The following ATG7 variants were observed in gnomAD, a reference collection of about 807,000 sequenced individuals.
ATG7 encodes ubiquitin-like modifier-activating enzyme ATG7.
In ATG7, 70 loss-of-function variants were observed where a neutral mutation model predicts 82.4. That is an observed-to-expected ratio of 0.85 (90% confidence interval 0.70 to 1.04). The LOEUF is 1.04. Ranked by LOEUF, ATG7 falls within the 50% of genes least tolerant of loss-of-function variation. The pLI, the probability that ATG7 is intolerant of heterozygous loss-of-function variation, is 0.00. For synonymous variants in ATG7, 287 were observed against 313.0 expected (o/e 0.92, Z 0.88); for missense variants, 792 against 864.3 (o/e 0.92, Z 1.05).
chr3:11,344,515 G>A (rs918947134), intron 13 of ATG7, among the ~76,000 whole-genome samples: 12 of 152,094 alleles, frequency 7.9e-5, no homozygotes, highest in Admixed American at 7.2e-4. Context: ...CTATTTGTAC[G>A]TGGTATCTTA....
intron 20 of ATG7, among the ~76,000 whole-genome samples, chr3:11,438,231 C>G (rs1012485044): frequency 3.9e-5 from 6 of 152,164 alleles, no homozygotes; most frequent in African/African-American, 1.4e-4. Context: ...TGAAGCAGCC[C>G]TGAGAGCCAA....
chr3:11,410,237 C>T (rs1328256644), intron 19 of ATG7, among the ~76,000 whole-genome samples: 1 of 152,186 alleles, frequency 6.6e-6, no homozygotes, highest in African/African-American at 2.4e-5. Context: ...TCCAACTTCT[C>T]TCAGCAGTAG....
At chr3:11,424,265 G>T (rs911428561) in intron 19 of ATG7, among the ~76,000 whole-genome samples, 14 of 151,964 alleles carry the variant, frequency 9.2e-5, no homozygotes, top group Middle Eastern at 3.2e-3. Context: ...AAAGATTTTA[G>T]TATTTTTATA....
At chr3:11,561,656 C>T (rs749005114), downstream of ATG7, among the ~76,000 whole-genome samples, 55 of 152,176 alleles carry the variant, frequency 3.6e-4, no homozygotes, top group Middle Eastern at 3.4e-3. Context: ...TATGGGATCC[C>T]GAGGCTCCCC....
At chr3:11,392,979 C>T (rs1310198690) in intron 19 of ATG7, among the ~76,000 whole-genome samples, 1 of 152,160 alleles carries the variant, frequency 6.6e-6, no homozygotes, top group Non-Finnish European at 1.5e-5. Context: ...AAAGCCCCAA[C>T]CTGTCCTTTG....
At chr3:11,316,580 C>T (rs987702964) in intron 9 of ATG7, among the ~76,000 whole-genome samples, 1 of 152,198 alleles carries the variant, frequency 6.6e-6, no homozygotes. Flanking sequence ...AGGTCCAGTA[C>T]CTTGTACAAG....
In ATG7 at chr3:11,388,432, CT is replaced by C. The variant is rs111590381; in HGVS notation, c.1956+8397del. On this transcript the variant is annotated intron_variant, in intron 19 of 20. Transcript: ENST00000693202. Reference sequence around the variant, plus strand: ...CAACTAGCCACTGCTCATGTTCCTTCTTTTTTTTTTTTTTTTTAAGGAGTCT... The same window carrying C: ...CAACTAGCCACTGCTCATGTTCCTTCTTTTTTTTTTTTTTTTAAGGAGTCT... 6.9e-3 allele frequency among the ~76,000 whole-genome samples: 954 copies of C among 137,394 alleles called. 5 individuals are homozygous for C. Among genetic ancestry groups the C allele is most frequent in the African/African-American group, 0.015 (575 of 37,486 alleles). 90.1% of individuals were successfully genotyped at this position (137,394 alleles called of 152,430 possible).
At chr3:11,574,659 A>C in the ATG7 span, among the ~76,000 whole-genome samples, 1 of 152,208 alleles carries the variant, frequency 6.6e-6, no homozygotes, top group Non-Finnish European at 1.5e-5. Flanking sequence ...GGATGTTCCC[A>C]GCACAAAGAA....
At chr3:11,376,007 T>C (rs2077389983) in intron 18 of ATG7, among the ~76,000 whole-genome samples, 2 of 152,236 alleles carry the variant, frequency 1.3e-5, no homozygotes, top group East Asian at 1.9e-4. Context: ...AAATGTATTA[T>C]AGCAACACAA....
chr3:11,466,162 G>A (rs894609286), intron 20 of ATG7, among the ~76,000 whole-genome samples: 1 of 152,222 alleles, frequency 6.6e-6, no homozygotes, highest in African/African-American at 2.4e-5. Context: ...TTCCTCTAGC[G>A]AGAAGCTGCT....
chr3:11,562,279 G>A (rs1360684240), downstream of ATG7, among the ~76,000 whole-genome samples: 1 of 152,148 alleles, frequency 6.6e-6, no homozygotes, highest in African/African-American at 2.4e-5. Context: ...TGTCTGTCCT[G>A]AGCTGCTATC....
intron 18 of ATG7, among the ~76,000 whole-genome samples, chr3:11,372,835 T>TGCGTGC (rs1385628733): frequency 1.1e-5 from 1 of 87,198 alleles, no homozygotes. Context: ...TGCGTGTGTG[T>TGCGTGC]GCGTGCGTGC....
chr3:11,535,920 C>T (rs1165999435), intron 20 of ATG7, among the ~76,000 whole-genome samples: 1 of 152,204 alleles, frequency 6.6e-6, no homozygotes, highest in African/African-American at 2.4e-5. Context: ...TGCTCCTTAG[C>T]AGAGAAAAGA....
chr3:11,289,699 C>T (rs759038859), intron 3 of ATG7, among the ~76,000 whole-genome samples: 4 of 152,220 alleles, frequency 2.6e-5, no homozygotes, highest in Non-Finnish European at 4.4e-5. Flanking sequence ...TTGGGACTAC[C>T]GATGCGCCCT....
At chr3:11,499,633 C>A (rs894332229) in intron 20 of ATG7, among the ~76,000 whole-genome samples, 1 of 151,682 alleles carries the variant, frequency 6.6e-6, no homozygotes. Context: ...TGTAGTCCCA[C>A]CTACTCGGGA....
At chr3:11,385,020 G>A (rs1368338793) in intron 19 of ATG7, among the ~76,000 whole-genome samples, 2 of 145,112 alleles carry the variant, frequency 1.4e-5, no homozygotes, top group African/African-American at 5.7e-5. Flanking sequence ...TAGTGTTTTT[G>A]TTTGTTTGTT....
At chr3:11,504,558 A>G (rs1163381950) in intron 20 of ATG7, among the ~76,000 whole-genome samples, 1 of 152,252 alleles carries the variant, frequency 6.6e-6, no homozygotes, top group Non-Finnish European at 1.5e-5. Flanking sequence ...GGATGACTAG[A>G]ACAGACTGGA....
At chr3:11,359,689 C>G (rs938187483) in intron 15 of ATG7, among the ~76,000 whole-genome samples, 11 of 149,524 alleles carry the variant, frequency 7.4e-5, no homozygotes, top group African/African-American at 2.0e-4. Flanking sequence ...GAGTGAGATC[C>G]TGTCTCAAAA....
intron 13 of ATG7, among the ~76,000 whole-genome samples, chr3:11,342,530 G>A (rs1223334082): frequency 6.6e-6 from 1 of 152,080 alleles, no homozygotes; most frequent in African/African-American, 2.4e-5. Flanking sequence ...TTAGTATGCA[G>A]CCTTTTTCCC....
Sources: allele counts gnomAD v4.1 joint callset (sites outside exome capture counted in the v4.1 genomes callset), GRCh38; gene constraint gnomAD v4.1.1; transcripts MANE v1.5; gene names NCBI Gene and HGNC (gene_info 2026-07-23, HGNC 2026-07-21).